The following ELAVL4 variants were observed in gnomAD, a reference collection of about 807,000 sequenced individuals.
ELAVL4 encodes the protein ELAV like RNA binding protein 4, also known as ELAV-like protein 4.
Under a neutral mutation model 35.6 loss-of-function variants are expected in ELAVL4, and 1 was observed. The ratio of observed to expected loss-of-function variants is 0.03; its 90% CI spans 0.01 to 0.13. The LOEUF (loss-of-function observed/expected upper bound fraction) is 0.13. Among genes scored for constraint, ELAVL4 ranks in the 10% least tolerant of loss-of-function variants. The probability of loss-of-function intolerance (pLI) is 1.00; values close to 1 mark genes in which losing one functional copy is unlikely to be tolerated. For synonymous variants in ELAVL4, 156 were observed against 171.0 expected, an observed-to-expected ratio of 0.91 and a Z score of 0.69; for missense variants, 267 against 464.9, an observed-to-expected ratio of 0.57 and a Z score of 3.91.
At chr1:50,051,409 AG>A (rs1663375856) in intron 1 of ELAVL4, among the ~76,000 whole-genome samples, 1 of 152,244 alleles carries the variant, frequency 6.6e-6, no homozygotes, top group East Asian at 1.9e-4. Flanking sequence ...ATAAGACATG[AG>A]AAATCAGTCT....
At chr1:50,082,763 T>C (rs1307913115) in intron 1 of ELAVL4, among the ~76,000 whole-genome samples, 1 of 152,192 alleles carries the variant, frequency 6.6e-6, no homozygotes, top group Non-Finnish European at 1.5e-5. Context: ...ATGAGATTGC[T>C]AGTAAGAATT....
chr1:50,067,117 A>C (rs951684386), intron 1 of ELAVL4, among the ~76,000 whole-genome samples: 21 of 152,146 alleles, frequency 1.4e-4, no homozygotes, highest in Non-Finnish European at 1.5e-5. Context: ...CTCCCCAAGA[A>C]ATTGACAGGT....
rs528839138 is a variant in ELAVL4, at chr1:50,139,931, A to T, written c.10-5026A>T. Among the ~76,000 whole-genome samples the T allele has an allele frequency of 5.4e-4, 83 of 152,352 alleles. 1 individual carries two copies. Among genetic ancestry groups the T allele is most frequent in the African/African-American group, 1.9e-3 (78 of 41,586 alleles). On this transcript the variant is annotated intron_variant, in intron 1 of 6. Transcript: ENST00000371824. ...GTCATTCAAACCATCGACATTTACG[A>T]TGACAGGATTTGAGTGCCTACGTTA...
Position 50,109,093 on chromosome 1 carries a change from A to G in ELAVL4, c.-97A>G. On this transcript the variant is annotated 5_prime_UTR_variant, in exon 1 of 7. It adds an upstream start codon to the 5' untranslated region. Transcript: ENST00000371824. ...GTGTTTTGTGGATCTTTAATTATAT[A>G]TAACAATAGTAGTCATTTTAAATAT... The G allele has an allele frequency of 1.6e-6, 2 of 1,256,366 alleles. No individual in the cohort carries two copies. Among genetic ancestry groups the G allele is most frequent in the Non-Finnish European group, 2.0e-6 (2 of 991,326 alleles). 77.8% of individuals were successfully genotyped at this position (1,256,366 alleles called of 1,614,324 possible).
chr1:50,102,514 C>A (rs950304268), upstream of ELAVL4, among the ~76,000 whole-genome samples: 16 of 151,328 alleles, frequency 1.1e-4, no homozygotes, highest in African/African-American at 3.9e-4. Flanking sequence ...CCTTTTACAT[C>A]TATTCCTTTA....
chr1:50,083,580 T>C (rs1347213361), intron 1 of ELAVL4, among the ~76,000 whole-genome samples: 1 of 152,184 alleles, frequency 6.6e-6, no homozygotes, highest in Non-Finnish European at 1.5e-5. Context: ...CCAATGGTCA[T>C]CAGCCTTCTC....
chr1:50,138,935 A>G (rs1274397028), intron 1 of ELAVL4, among the ~76,000 whole-genome samples: 1 of 152,202 alleles, frequency 6.6e-6, no homozygotes, highest in East Asian at 1.9e-4. Context: ...ATATGAAGGT[A>G]CTTAATGCCA....
intron 1 of ELAVL4, among the ~76,000 whole-genome samples, chr1:50,111,982 G>T (rs2480677): frequency 0.15 from 22,324 of 151,976 alleles, 1,928 homozygotes; most frequent in East Asian, 0.42. Flanking sequence ...AAAAATGAGA[G>T]ATTTAAAAAT....
chr1:50,177,008 A>G (rs1680152281), intron 2 of ELAVL4, 81 bp from the exon 3 acceptor site: 1 of 1,182,238 alleles, frequency 8.5e-7, no homozygotes, highest in Admixed American at 1.9e-5. Context: ...CTATAAAGAT[A>G]CTGAGCATGC....
In ELAVL4 at chr1:50,177,233, G is replaced by T; in HGVS notation, c.354+41G>T. The T allele has an allele frequency of 4.7e-6, 7 of 1,486,478 alleles. No individual in the cohort carries two copies. The South Asian group carries it at 7.9e-5, about 17-fold the overall frequency. 92.1% of individuals were successfully genotyped at this position (1,486,478 alleles called of 1,614,324 possible). ...CTGGCTCCTGATTCAGGAGGCTCTGGTTAAATTTCATTCTGTTGATCTGGT... is the reference window on the plus strand; with the variant it reads ...CTGGCTCCTGATTCAGGAGGCTCTGTTTAAATTTCATTCTGTTGATCTGGT... On this transcript the variant is annotated intron_variant, in intron 3 of 6. Coordinates refer to ENST00000371824, the MANE Select transcript of ELAVL4 (RefSeq NM_001144774.3).
intron 1 of ELAVL4, among the ~76,000 whole-genome samples, chr1:50,067,923 A>G (rs1557684442): frequency 6.6e-6 from 1 of 151,972 alleles, no homozygotes; most frequent in Non-Finnish European, 1.5e-5. Context: ...CTGAGAACTC[A>G]CTCGCTATCA....
intron 1 of ELAVL4, among the ~76,000 whole-genome samples, chr1:50,131,901 A>C (rs941826487): frequency 6.6e-6 from 1 of 151,928 alleles, no homozygotes; most frequent in Non-Finnish European, 1.5e-5. Context: ...AAAAAAAAAA[A>C]ACCAGAAGTT....
At chr1:50,113,075 T>A (rs1458570749) in intron 1 of ELAVL4, among the ~76,000 whole-genome samples, 2 of 152,108 alleles carry the variant, frequency 1.3e-5, no homozygotes, top group Non-Finnish European at 2.9e-5. Flanking sequence ...ATAAGCTATT[T>A]GAAATTTCAC....
At chr1:50,115,532 T>C (rs1418984508) in intron 1 of ELAVL4, among the ~76,000 whole-genome samples, 2 of 152,136 alleles carry the variant, frequency 1.3e-5, no homozygotes, top group South Asian at 4.1e-4. Context: ...ATTTTTGAAT[T>C]ACTCATTTTA....
intron 1 of ELAVL4, among the ~76,000 whole-genome samples, chr1:50,074,461 A>G (rs1572132773): frequency 6.6e-6 from 1 of 152,154 alleles, no homozygotes; most frequent in Non-Finnish European, 1.5e-5. Context: ...CGCATTTCTG[A>G]TTCCTGTCTT....
At chr1:50,071,542 A>G (rs1194818385) in intron 1 of ELAVL4, among the ~76,000 whole-genome samples, 1 of 152,232 alleles carries the variant, frequency 6.6e-6, no homozygotes, top group Non-Finnish European at 1.5e-5. Flanking sequence ...ACATAGCCAC[A>G]TACACAAAAG....
At chr1:50,139,250 G>A (rs1304673522) in intron 1 of ELAVL4, among the ~76,000 whole-genome samples, 3 of 152,156 alleles carry the variant, frequency 2.0e-5, no homozygotes, top group Non-Finnish European at 4.4e-5. Flanking sequence ...CCTACCGATT[G>A]TTAGGCTTTA....
intron 1 of ELAVL4, among the ~76,000 whole-genome samples, chr1:50,139,208 C>T (rs1280115314): frequency 6.6e-6 from 1 of 152,134 alleles, no homozygotes; most frequent in African/African-American, 2.4e-5. Flanking sequence ...CATGTAAGGA[C>T]TTTCATTCAT....
chr1:50,070,485 G>C (rs1312814299), intron 1 of ELAVL4, among the ~76,000 whole-genome samples: 1 of 152,204 alleles, frequency 6.6e-6, no homozygotes, highest in African/African-American at 2.4e-5. Context: ...GCTCATGCCT[G>C]TAATCCCAGC....
Sources: gnomAD v4.1 joint callset for allele counts (sites outside exome capture counted in the v4.1 genomes callset) on GRCh38, gnomAD v4.1.1 for gene constraint, MANE v1.5 for transcripts, NCBI Gene and HGNC (gene_info 2026-07-23, HGNC 2026-07-21) for gene names.